USP34: variants seen among roughly 807,000 people sequenced by gnomAD.
USP34 encodes ubiquitin specific peptidase 34.
USP34 carries 70 observed loss-of-function variants against 460.3 expected under a neutral mutation model. The observed-to-expected ratio is 0.15, with a 90% CI of 0.13 to 0.19. The LOEUF (loss-of-function observed/expected upper bound fraction) is 0.19. USP34 is among the 10% of genes least tolerant of loss of function. The pLI, the probability that USP34 is intolerant of heterozygous loss-of-function variation, is 1.00. For missense variants in USP34, 3,985 were observed against 4,236.2 expected (o/e 0.94, Z 1.65); for synonymous variants, 1,647 against 1,405.3 (o/e 1.17, Z -3.85).
intron 16 of USP34, among the ~76,000 whole-genome samples, chr2:61,342,790 T>C (rs1423207023): frequency 6.6e-6 from 1 of 152,094 alleles, no homozygotes; most frequent in Non-Finnish European, 1.5e-5. Context: ...CTACAATGGG[T>C]TGTGAAAAGA....
intron 5 of USP34, among the ~76,000 whole-genome samples, chr2:61,390,203 A>G (rs1198915098): frequency 6.6e-6 from 1 of 152,220 alleles, no homozygotes; most frequent in Non-Finnish European, 1.5e-5. Flanking sequence ...TTTCTACTCC[A>G]TAATAAAATA....
intron 10 of USP34, among the ~76,000 whole-genome samples, chr2:61,351,515 G>T (rs950848350): frequency 6.6e-6 from 1 of 151,952 alleles, no homozygotes; most frequent in South Asian, 2.1e-4. Context: ...TCAAGATAGG[G>T]TAATAAACAG....
intron 7 of USP34, among the ~76,000 whole-genome samples, chr2:61,379,718 T>G (rs1344245797): frequency 6.6e-6 from 1 of 152,212 alleles, no homozygotes; most frequent in Non-Finnish European, 1.5e-5. Flanking sequence ...AAGCCAAGAA[T>G]ACAGATTTTC....
intron 1 of USP34, among the ~76,000 whole-genome samples, chr2:61,434,564 G>A (rs1167496740): frequency 2.6e-5 from 4 of 152,100 alleles, no homozygotes; most frequent in Non-Finnish European, 1.5e-5. Context: ...ACAGCCCAAT[G>A]AGCCAACCCC....
intron 1 of USP34, among the ~76,000 whole-genome samples, chr2:61,452,721 CAA>C (rs562544798): frequency 7.1e-6 from 1 of 140,916 alleles, no homozygotes. Context: ...CTGTCTCCAC[CAA>C]AAAAAAAAAC....
At chr2:61,297,222 T>C (rs1343945719) in intron 29 of USP34, among the ~76,000 whole-genome samples, 2 of 152,292 alleles carry the variant, frequency 1.3e-5, no homozygotes, top group East Asian at 3.9e-4. Flanking sequence ...GGCCAGAAAA[T>C]TCTAACAAAT....
rs1690202841 is a variant in USP34, at chr2:61,301,025, T to C, written c.4054A>G (p.Thr1352Ala). The change falls in exon 29 of 80, where the codon ACT becomes GCT. Residue 1352 changes from threonine (T) to alanine (A), a missense_variant. Around this residue, in one of 14 missense-constraint regions of USP34, gnomAD observed 1,114 missense variants for 1,122.5 expected, o/e 0.99. Coordinates refer to ENST00000398571, the MANE Select transcript of USP34 (RefSeq NM_014709.4). ...LLLLQEPHLT[T>A]LFDLLEMLAS... is the part of the protein sequence containing the mutation. The stretch of plus-strand genomic sequence containing the variant: ...AGCATCTCTAATAAATCAAAAAGAG[T>C]AGTTAAATGAGGCTCTTGTAAAAGC... 3 of 1,613,492 alleles carry C rather than the reference T, an allele frequency of 1.9e-6. No homozygotes were observed. Among genetic ancestry groups the C allele is most frequent in the Non-Finnish European group, 2.5e-6 (3 of 1,179,860 alleles).
chr2:61,210,719 C>CT (rs919387936), intron 69 of USP34, among the ~76,000 whole-genome samples: 6 of 151,968 alleles, frequency 3.9e-5, no homozygotes, highest in East Asian at 1.9e-4. Context: ...AGCTCCAAAT[C>CT]TTTTTTTTCT....
At chr2:61,249,391 C>T (rs1688511247) in intron 48 of USP34, among the ~76,000 whole-genome samples, 1 of 152,194 alleles carries the variant, frequency 6.6e-6, no homozygotes, top group African/African-American at 2.4e-5. Flanking sequence ...GGTTTACATC[C>T]CAGGTGGGGA....
At chr2:61,290,840 A>G (rs530547154) in intron 33 of USP34, among the ~76,000 whole-genome samples, 18 of 152,284 alleles carry the variant, frequency 1.2e-4, no homozygotes, top group African/African-American at 4.3e-4. Flanking sequence ...AAAAAGTGAG[A>G]GCTAAAACCA....
intron 1 of USP34, among the ~76,000 whole-genome samples, chr2:61,462,669 T>G (rs1695639294): frequency 6.6e-6 from 1 of 151,848 alleles, no homozygotes; most frequent in Admixed American, 6.6e-5. Context: ...GAGACCAGCC[T>G]GACCAACATG....
intron 8 of USP34, among the ~76,000 whole-genome samples, chr2:61,370,958 A>T (rs1365107641): frequency 6.6e-6 from 1 of 152,216 alleles, no homozygotes; most frequent in Admixed American, 6.5e-5. Context: ...ATGAGATAAT[A>T]TCAGGAAAAT....
chr2:61,424,627 A>G (rs1395993764), intron 1 of USP34, among the ~76,000 whole-genome samples: 1 of 152,176 alleles, frequency 6.6e-6, no homozygotes, highest in Admixed American at 6.5e-5. Flanking sequence ...TGTAATCCCA[A>G]CACTTTGCGA....
intron 20 of USP34, among the ~76,000 whole-genome samples, chr2:61,326,775 G>A (rs907656684): frequency 1.4e-5 from 2 of 138,476 alleles, no homozygotes; most frequent in Non-Finnish European, 3.1e-5. Context: ...AGGTCAATGG[G>A]CATTTTTTTT....
intron 67 of USP34, among the ~76,000 whole-genome samples, chr2:61,218,845 C>T (rs1256626251): frequency 6.6e-6 from 1 of 152,160 alleles, no homozygotes; most frequent in Non-Finnish European, 1.5e-5. Flanking sequence ...CAAGGGTACA[C>T]ACTATCAACC....
At chr2:61,266,277 A>G (rs1689041372) in intron 41 of USP34, 110 bp from the exon 42 acceptor site, 13 of 1,040,718 alleles carry the variant, frequency 1.2e-5, no homozygotes, top group Non-Finnish European at 1.8e-5. Context: ...TCAAAAACGT[A>G]TAGCAGCATG....
At chr2:61,399,983 A>AT (rs1047786361) in intron 3 of USP34, among the ~76,000 whole-genome samples, 9 of 149,958 alleles carry the variant, frequency 6.0e-5, no homozygotes, top group East Asian at 2.0e-4. Context: ...AAAGTCTTGC[A>AT]TTTTTTTTCC....
At position 61,295,160 on chromosome 2, in the gene USP34, G is replaced by T. The variant is rs1197664084; in HGVS notation, c.4377+8C>A. The stretch of plus-strand genomic sequence containing the variant: ...AACATTTAATGATAATAATGGAAAT[G>T]CAATTACCGTAGACTCCCTCCTTAT... On this transcript the variant is annotated splice_region_variant and intron_variant, in intron 31 of 79. Transcript: ENST00000398571. 1.2e-6 allele frequency: 2 copies of T among 1,603,952 alleles called. No homozygotes were observed. The highest frequency in any genetic ancestry group is 4.5e-5 in the East Asian group (2 of 44,684).
At chr2:61,300,901 C>T (rs1210621942) in intron 29 of USP34, 50 bp downstream of exon 29, 1 of 1,252,958 alleles carries the variant, frequency 8.0e-7, no homozygotes, top group East Asian at 2.3e-5. Flanking sequence ...GTTACTATAT[C>T]CTCTCAACAG....
Sources: allele counts gnomAD v4.1 joint callset (sites outside exome capture counted in the v4.1 genomes callset), GRCh38; gene constraint gnomAD v4.1.1; regional missense constraint gnomAD v4.1.1; transcripts MANE v1.5; gene names NCBI Gene and HGNC (gene_info 2026-07-23, HGNC 2026-07-21).